The following SYT9 variants were observed in gnomAD, a reference collection of about 807,000 sequenced individuals.
SYT9 encodes the protein synaptotagmin 9, also known as synaptotagmin-9.
SYT9 carries 22 observed loss-of-function variants against 48.4 expected under a neutral mutation model. That is an observed-to-expected ratio of 0.45 (90% CI 0.32 to 0.65). The LOEUF (loss-of-function observed/expected upper bound fraction) is 0.65, where lower values mean the gene tolerates loss of function less well. Ranked by LOEUF, SYT9 falls within the 30% of genes least tolerant of loss-of-function variation. The pLI, the probability that SYT9 is intolerant of heterozygous loss-of-function variation, is 0.03. For missense variants in SYT9, 577 were observed against 622.0 expected, an observed-to-expected ratio of 0.93 and a Z score of 0.77; for synonymous variants, 265 against 245.0, an observed-to-expected ratio of 1.08 and a Z score of -0.76.
chr11:7,332,246 G>A (rs372062459), intron 3 of SYT9, among the ~76,000 whole-genome samples: 4 of 152,194 alleles, frequency 2.6e-5, no homozygotes, highest in East Asian at 1.9e-4. Context: ...ACCCTGAGAC[G>A]AGGGGGCCGC....
intron 6 of SYT9, among the ~76,000 whole-genome samples, chr11:7,430,374 G>A (rs1847547960): frequency 6.6e-6 from 1 of 152,094 alleles, no homozygotes; most frequent in South Asian, 2.1e-4. Flanking sequence ...TAGGTATATG[G>A]TACACTATGA....
chr11:7,454,830 A>G (rs11041391), intron 6 of SYT9, among the ~76,000 whole-genome samples: 48,431 of 151,912 alleles, frequency 0.32, 8,505 homozygotes, highest in African/African-American at 0.46. Flanking sequence ...AAGTCAGCTC[A>G]AAGTCAGCTT....
chr11:7,363,404 A>G (rs891562095), intron 3 of SYT9, among the ~76,000 whole-genome samples: 1 of 152,240 alleles, frequency 6.6e-6, no homozygotes, highest in African/African-American at 2.4e-5. Flanking sequence ...GAAATGTAGA[A>G]TACCAGAAAT....
chr11:7,296,728 C>G (rs1380619063), intron 1 of SYT9, among the ~76,000 whole-genome samples: 3 of 152,064 alleles, frequency 2.0e-5, no homozygotes, highest in Non-Finnish European at 4.4e-5. Flanking sequence ...TAAATAAAGG[C>G]TTTGTATTTA....
At chr11:7,248,556 A>G (rs1000971376), upstream of SYT9, among the ~76,000 whole-genome samples, 35 of 152,154 alleles carry the variant, frequency 2.3e-4, no homozygotes, top group African/African-American at 8.2e-4. Context: ...TGGCTAGCCA[A>G]TTATTGCAGC....
At chr11:7,295,028 T>C (rs1848771216) in intron 1 of SYT9, among the ~76,000 whole-genome samples, 1 of 152,244 alleles carries the variant, frequency 6.6e-6, no homozygotes, top group Admixed American at 6.5e-5. Flanking sequence ...TGATTAAGTT[T>C]GTGGTTCATA....
intron 3 of SYT9, among the ~76,000 whole-genome samples, chr11:7,332,055 T>C (rs1040489385): frequency 4.5e-4 from 69 of 152,182 alleles, no homozygotes; most frequent in African/African-American, 1.6e-3. Context: ...AAGCAGAAGC[T>C]GAGAGGGATT....
At chr11:7,416,004 G>A (rs1442607180) in intron 3 of SYT9, 38 bp from the exon 4 acceptor site, 1 of 1,613,448 alleles carries the variant, frequency 6.2e-7, no homozygotes. Context: ...CCAGGCTGGA[G>A]ACACTTTCTA....
At chr11:7,278,752 T>C (rs1421240668) in intron 1 of SYT9, among the ~76,000 whole-genome samples, 1 of 152,210 alleles carries the variant, frequency 6.6e-6, no homozygotes, top group East Asian at 1.9e-4. Flanking sequence ...GAAGATATTT[T>C]AGATTCTCAC....
intron 1 of SYT9, among the ~76,000 whole-genome samples, chr11:7,269,660 C>G (rs948241273): frequency 1.3e-5 from 2 of 152,138 alleles, no homozygotes; most frequent in African/African-American, 4.8e-5. Flanking sequence ...CGACCTGAGT[C>G]TACTCTTCTA....
chr11:7,418,121 T>C lies in SYT9; in HGVS notation c.1330T>C (p.Tyr444His). The change falls in exon 5 of 7, where the codon TAT becomes CAT. Residue 444 changes from tyrosine (Y) to histidine (H), a missense_variant. Transcript: ENST00000318881. ...CCACTTGTCCATAGCAGTCATGGAC[T>C]ATGACCGGTGAGATACCTGGAACTC... ...QIHLSIAVMD[Y>H]DRVGHNEIIG... 3 of 1,613,376 alleles carry C rather than the reference T, an allele frequency of 1.9e-6. No homozygotes were observed. The highest frequency in any genetic ancestry group is 2.5e-6 in the Non-Finnish European group (3 of 1,179,716).
chr11:7,334,703 A>G (rs1040889800), intron 3 of SYT9, among the ~76,000 whole-genome samples: 1 of 116,422 alleles, frequency 8.6e-6, no homozygotes, highest in Non-Finnish European at 1.8e-5. Flanking sequence ...ATTAGTTTAG[A>G]TTTTCTAGGA....
At chr11:7,415,953 T>C (rs944798952) in intron 3 of SYT9, 89 bp from the exon 4 acceptor site, 4 of 1,518,780 alleles carry the variant, frequency 2.6e-6, no homozygotes, top group Non-Finnish European at 9.1e-7. Context: ...AGGGGCAGTG[T>C]GTTCCCTTTC....
chr11:7,354,139 T>G (rs1230115937), intron 3 of SYT9, among the ~76,000 whole-genome samples: 1 of 152,190 alleles, frequency 6.6e-6, no homozygotes, highest in Admixed American at 6.5e-5. Context: ...TAGACTTTAT[T>G]TTATTTTTAA....
intron 3 of SYT9, among the ~76,000 whole-genome samples, chr11:7,400,935 G>A (rs1242190093): frequency 6.6e-6 from 1 of 152,082 alleles, no homozygotes; most frequent in Non-Finnish European, 1.5e-5. Context: ...GCTGATACAG[G>A]TATTCTGGTG....
intron 3 of SYT9, among the ~76,000 whole-genome samples, chr11:7,323,434 T>G (rs915025301): frequency 1.3e-5 from 2 of 152,114 alleles, no homozygotes; most frequent in African/African-American, 2.4e-5. Flanking sequence ...TCTTTTTTAA[T>G]TATTTTGCTT....
intron 6 of SYT9, chr11:7,440,253 GAACC>G (rs1391827603): frequency 6.6e-6 from 1 of 152,144 alleles, no homozygotes; most frequent in Non-Finnish European, 1.5e-5. Flanking sequence ...AAAAGAGTTG[GAACC>G]CCCCTGAGTA....
intron 1 of SYT9, among the ~76,000 whole-genome samples, chr11:7,285,909 AG>A (rs1379571192): frequency 6.6e-6 from 1 of 152,270 alleles, no homozygotes; most frequent in East Asian, 1.9e-4. Flanking sequence ...CTGATGCAAG[AG>A]GTGGATTCCC....
At chr11:7,367,371 G>A (rs1850273711) in intron 3 of SYT9, among the ~76,000 whole-genome samples, 3 of 150,112 alleles carry the variant, frequency 2.0e-5, no homozygotes, top group Non-Finnish European at 3.0e-5. Flanking sequence ...GTGAGCCACC[G>A]CGCCCGGCCT....
Sources: gnomAD v4.1 joint callset for allele counts (sites outside exome capture counted in the v4.1 genomes callset) on GRCh38, gnomAD v4.1.1 for gene constraint, MANE v1.5 for transcripts, NCBI Gene and HGNC (gene_info 2026-07-23, HGNC 2026-07-21) for gene names.